Variants in UMOD observed in about 807,000 individuals in gnomAD.
The protein encoded by UMOD is uromodulin, also known as Tamm-Horsfall urinary glycoprotein.
A neutral mutation model predicts 66.0 loss-of-function variants in UMOD; 64 were observed. That is an observed-to-expected ratio of 0.97 (90% confidence interval 0.79 to 1.19). UMOD has a LOEUF of 1.19. Among genes scored for constraint, UMOD ranks in the 50% most tolerant of loss-of-function variants. The pLI is 0.00. For synonymous variants in UMOD, 398 were observed against 352.7 expected, an observed-to-expected ratio of 1.13 and a Z score of -1.44; for missense variants, 764 against 850.9, an observed-to-expected ratio of 0.90 and a Z score of 1.27.
At position 20,348,440 on chromosome 16, in the gene UMOD, G is replaced by T. The variant is rs1326562925; in HGVS notation, c.861C>A (p.Cys287Ter). ...TGTGGGGAGACTCCGGCTGACCTGTGCAGTACGCCAGGTGACACTCGGGGG... is the reference window on the plus strand; with the variant it reads ...TGTGGGGAGACTCCGGCTGACCTGTTCAGTACGCCAGGTGACACTCGGGGG... ...TAPPECHLAYCTDPSSVEGTC... is the reference protein window; with the variant it reads ...TAPPECHLAY The change falls in exon 3 of 11, where the codon TGC (cysteine) becomes TGA (stop). Residue 287 changes from cysteine to a stop codon, truncating the protein, a stop_gained. Transcript: ENST00000396138. LOFTEE classifies it high-confidence loss of function. The T allele has an allele frequency of 2.5e-6, 4 of 1,613,778 alleles. No homozygotes were observed. Among genetic ancestry groups the T allele is most frequent in the Non-Finnish European group, 2.5e-6 (3 of 1,180,004 alleles).
chr16:20,349,882 A>C, intron 2 of UMOD: 9 of 1,516,672 alleles, frequency 5.9e-6, no homozygotes, highest in Non-Finnish European at 7.0e-6. Flanking sequence ...CCGTAATAAA[A>C]ATAACCATTA....
chr16:20,335,460 T>C (rs1380297206), intron 10 of UMOD, 22 bp downstream of exon 10: 4 of 1,613,182 alleles, frequency 2.5e-6, no homozygotes, highest in Non-Finnish European at 3.4e-6. Context: ...CAGGTCCCAC[T>C]GCAGAAAGGA....
At chr16:20,343,409 C>G (rs760250132) in intron 6 of UMOD, among the ~76,000 whole-genome samples, 1 of 152,194 alleles carries the variant, frequency 6.6e-6, no homozygotes, top group Admixed American at 6.5e-5. Context: ...TCCTTTCATT[C>G]ACAGAGAAGG....
chr16:20,351,027 A>G (rs1965864303), intron 1 of UMOD, 188 bp from the exon 2 acceptor site: 1 of 463,056 alleles, frequency 2.2e-6, no homozygotes, highest in Admixed American at 3.5e-5. Flanking sequence ...TACCTCACCA[A>G]CATCCCAGTC....
In UMOD at chr16:20,344,044, G is replaced by T; in HGVS notation, c.1311C>A (p.Thr437=). The T allele has an allele frequency of 6.2e-7, 1 of 1,613,868 alleles. No individual in the cohort carries two copies. Among genetic ancestry groups the T allele is most frequent in the Admixed American group, 1.7e-5 (1 of 60,014 alleles). Reference sequence around the variant, plus strand: ...CACACCTGACCATTGGCTGTAGGGCGGTCTTCAGGCTGACTTTCATGTCCA... The same window carrying T: ...CACACCTGACCATTGGCTGTAGGGCTGTCTTCAGGCTGACTTTCATGTCCA... ...YPLDMKVSLK[T]ALQPMVSALN... The change falls in exon 6 of 11, where the codon ACC becomes ACA. Residue 437 remains threonine, a synonymous_variant. Coordinates refer to ENST00000396138, the MANE Select transcript of UMOD (RefSeq NM_003361.4).
rs1182746012 is a variant in UMOD, at chr16:20,352,676, C to T, written c.-103+13G>A. On this transcript the variant is annotated intron_variant, in intron 1 of 10. Coordinates refer to ENST00000396138, the MANE Select transcript of UMOD (RefSeq NM_003361.4). ...AAGCTGGGCTAGGAGAAGACAGCTA[C>T]AGATAGCCTTACCTGAAGCCAGAAA... The T allele has an allele frequency of 4.9e-6, 6 of 1,231,556 alleles. No homozygotes were observed. The African/African-American group carries it at 7.8e-5, about 16-fold the overall frequency. 76.3% of individuals were successfully genotyped at this position (1,231,556 alleles called of 1,614,324 possible).
chr16:20,352,494 T>A (rs1965947491), intron 1 of UMOD, 195 bp downstream of exon 1: 2 of 402,028 alleles, frequency 5.0e-6, no homozygotes, highest in Non-Finnish European at 4.3e-6. Flanking sequence ...AAAATAGTAG[T>A]CATTGTTACT....
intron 5 of UMOD, among the ~76,000 whole-genome samples, chr16:20,345,353 C>G (rs944414315): frequency 3.5e-5 from 5 of 142,634 alleles, no homozygotes; most frequent in Non-Finnish European, 6.1e-5. Context: ...TTTCTTTCTT[C>G]TTTCCTTCTT....
At chr16:20,345,428 CTCTT>C (rs1227169160) in intron 5 of UMOD, among the ~76,000 whole-genome samples, 1 of 65,926 alleles carries the variant, frequency 1.5e-5, no homozygotes, top group East Asian at 2.8e-4. Flanking sequence ...TTCTTTCTTT[CTCTT>C]TCTTTCTTTC....
intron 5 of UMOD, 146 bp downstream of exon 5, chr16:20,345,980 A>T: frequency 1.5e-6 from 1 of 686,236 alleles, no homozygotes; most frequent in Non-Finnish European, 2.5e-6. Context: ...TGGAGTAGGT[A>T]CTATTATTTC....
intron 1 of UMOD, chr16:20,351,424 G>A (rs1434580747): frequency 2.5e-5 from 4 of 161,476 alleles, no homozygotes; most frequent in Admixed American, 5.6e-5. Flanking sequence ...ATAGTCCAGG[G>A]TGGATGCCAG....
chr16:20,352,672 G>A lies in UMOD; in HGVS notation c.-103+17C>T. ...GGAGAAGCTGGGCTAGGAGAAGACA[G>A]CTACAGATAGCCTTACCTGAAGCCA... On this transcript the variant is annotated intron_variant, in intron 1 of 10. Coordinates refer to ENST00000396138, the MANE Select transcript of UMOD (RefSeq NM_003361.4). 1 of 1,231,626 alleles carries A rather than the reference G, an allele frequency of 8.1e-7. No homozygotes were observed. Among genetic ancestry groups the A allele is most frequent in the Middle Eastern group, 3.1e-4 (1 of 3,208 alleles). The allele number at this position is 1,231,626 out of a possible 1,614,324, so 76.3% of individuals were successfully genotyped here. A position where few individuals can be genotyped will look rare whatever the true frequency, so the allele number is the denominator to read the frequency against.
intron 7 of UMOD, among the ~76,000 whole-genome samples, chr16:20,340,799 G>A (rs1049568590): frequency 6.6e-6 from 1 of 151,972 alleles, no homozygotes; most frequent in Non-Finnish European, 1.5e-5. Flanking sequence ...TTCAAGACCA[G>A]CCTGGTCAAC....
chr16:20,343,186 T>C (rs1253919436), intron 6 of UMOD, among the ~76,000 whole-genome samples: 1 of 140,664 alleles, frequency 7.1e-6, no homozygotes. Context: ...TTATTACAAC[T>C]ATAATTTTCC....
intron 6 of UMOD, among the ~76,000 whole-genome samples, chr16:20,342,992 T>C (rs1965320921): frequency 6.6e-6 from 1 of 152,114 alleles, no homozygotes; most frequent in Non-Finnish European, 1.5e-5. Context: ...TAGCTGGGTG[T>C]GGTGGTGGGC....
intron 6 of UMOD, among the ~76,000 whole-genome samples, chr16:20,341,622 G>C (rs780118629): frequency 2.0e-5 from 3 of 152,132 alleles, no homozygotes; most frequent in Non-Finnish European, 2.9e-5. Context: ...CTGGTCTATG[G>C]ATCAATCACA....
At chr16:20,351,232 A>G (rs1288578546) in intron 1 of UMOD, 3 of 226,920 alleles carry the variant, frequency 1.3e-5, no homozygotes, top group Non-Finnish European at 2.6e-5. Flanking sequence ...TTGAGTAGCT[A>G]CATTGTGCCA....
chr16:20,341,467 C>A, intron 6 of UMOD, 131 bp from the exon 7 acceptor site: 3 of 1,517,642 alleles, frequency 2.0e-6, no homozygotes, highest in Middle Eastern at 2.4e-4. Flanking sequence ...AGAGTGGAAC[C>A]CACCAACTGT....
Position 20,347,245 on chromosome 16 carries a change from A to C in UMOD, c.974-911T>G, listed in dbSNP as rs1025743206. Among the ~76,000 whole-genome samples the C allele has an allele frequency of 2.0e-5, 3 of 151,738 alleles. No homozygotes were observed. In the South Asian group the frequency reaches 6.3e-4, roughly 32 times the overall value. On this transcript the variant is annotated intron_variant, in intron 4 of 10. Transcript: ENST00000396138. ...GCCATGTTGGCCAGGCTGGTCTTGA[A>C]CTCCTGACCTCAGGTGATCTGCCCG...
Sources: allele counts gnomAD v4.1 joint callset (sites outside exome capture counted in the v4.1 genomes callset), GRCh38; gene constraint gnomAD v4.1.1; transcripts MANE v1.5; gene names NCBI Gene and HGNC (gene_info 2026-07-23, HGNC 2026-07-21).